TRIM13: variants seen among roughly 807,000 people sequenced by gnomAD.
TRIM13 encodes the protein E3 ubiquitin-protein ligase TRIM13.
In TRIM13, 15 loss-of-function variants were observed where a neutral mutation model predicts 27.1. That is an observed-to-expected ratio of 0.55 (90% CI 0.37 to 0.85). The LOEUF (loss-of-function observed/expected upper bound fraction) is 0.85, where lower values mean the gene tolerates loss of function less well. TRIM13 is among the 40% of genes least tolerant of loss of function. TRIM13 has a pLI of 0.00. For synonymous variants in TRIM13, 193 were observed against 171.5 expected (o/e 1.13, Z -0.98); for missense variants, 402 against 472.2 (o/e 0.85, Z 1.38).
intron 1 of TRIM13, among the ~76,000 whole-genome samples, chr13:50,010,034 T>G (rs905614986): frequency 1.3e-5 from 2 of 148,686 alleles, no homozygotes; most frequent in Non-Finnish European, 1.5e-5. Flanking sequence ...TTTCAGGTAA[T>G]TTAATCTTTT....
At chr13:50,002,568 A>G (rs908417188) in intron 1 of TRIM13, among the ~76,000 whole-genome samples, 6 of 152,188 alleles carry the variant, frequency 3.9e-5, no homozygotes, top group African/African-American at 1.2e-4. Context: ...CTCAAGAAGA[A>G]TATTAAAGTA....
In TRIM13 at chr13:50,005,708, G is replaced by A. The variant is rs1455913450; in HGVS notation, c.-6-6227G>A. Among the ~76,000 whole-genome samples the A allele has an allele frequency of 4.0e-5, 6 of 149,918 alleles. No homozygotes were observed. The East Asian group carries it at 5.8e-4, about 15-fold the overall frequency. ...AAAGAGAGAAGGCATAAAACTAAAG[G>A]AAGAAAGGAAGAAGAGAAAAGGAAA... On this transcript the variant is annotated intron_variant, in intron 1 of 1. Coordinates refer to ENST00000378182, the MANE Select transcript of TRIM13 (RefSeq NM_213590.3).
intron 1 of TRIM13, among the ~76,000 whole-genome samples, chr13:49,998,140 C>T (rs997910062): frequency 6.6e-6 from 1 of 152,040 alleles, no homozygotes; most frequent in Non-Finnish European, 1.5e-5. Flanking sequence ...AGCAGAATTT[C>T]ATTTACATAG....
At chr13:49,998,238 A>G (rs967487615) in intron 1 of TRIM13, among the ~76,000 whole-genome samples, 5 of 152,140 alleles carry the variant, frequency 3.3e-5, no homozygotes, top group South Asian at 2.1e-4. Flanking sequence ...CTCCCTAAAA[A>G]TACGTTTTTT....
intron 1 of TRIM13, among the ~76,000 whole-genome samples, chr13:50,000,367 A>T (rs1873876173): frequency 2.6e-5 from 4 of 152,314 alleles, no homozygotes; most frequent in Non-Finnish European, 5.9e-5. Flanking sequence ...CCAGAAGTAC[A>T]TTTAAAGGAA....
intron 1 of TRIM13, among the ~76,000 whole-genome samples, chr13:50,007,764 AAG>A (rs1462322409): frequency 1.4e-5 from 2 of 138,918 alleles, no homozygotes. Context: ...CCTGGGTGAC[AAG>A]AGTGAGACTT....
Position 50,012,570 on chromosome 13 carries a change from T to C in TRIM13, c.630T>C (p.Ala210=), listed in dbSNP as rs1434004505. ...ILSDFETMKL[A]VMQAYDPEIN... is the part of the protein sequence containing the mutation. ...CTGACTTTGAGACCATGAAACTTGC[T>C]GTTATGCAAGCATATGACCCAGAGA... Residue 210 remains alanine (A), a synonymous_variant, in exon 2 of 2, where the codon GCT becomes GCC. Transcript: ENST00000378182. 6.2e-7 allele frequency: 1 copy of C among 1,614,194 alleles called. No homozygotes were observed. The highest frequency in any genetic ancestry group is 1.1e-5 in the South Asian group (1 of 91,088).
chr13:50,011,917 T>C lies in TRIM13; in HGVS notation c.-6-18T>C, dbSNP rs757663680. On this transcript the variant is annotated intron_variant, in intron 1 of 1. Transcript: ENST00000378182. The stretch of plus-strand genomic sequence containing the variant: ...GTGACGGTTATTGGAGTAAAATAAT[T>C]TTTTTTTTTTCTGGTAGGATGTGAT... 1.3e-6 allele frequency: 2 copies of C among 1,526,898 alleles called. No individual in the cohort carries two copies. The highest frequency in any genetic ancestry group is 2.3e-5 in the East Asian group (1 of 43,692). 94.6% of individuals were successfully genotyped at this position (1,526,898 alleles called of 1,614,324 possible). A position where few individuals can be genotyped will look rare whatever the true frequency, so the allele number is the denominator to read the frequency against.
intron 1 of TRIM13, among the ~76,000 whole-genome samples, chr13:50,006,167 C>T (rs537559294): frequency 6.6e-6 from 1 of 151,874 alleles, no homozygotes; most frequent in African/African-American, 2.4e-5. Context: ...ATTTTTTCCC[C>T]TCTGGTTCAT....
chr13:49,998,228 C>G (rs1297009795), intron 1 of TRIM13, among the ~76,000 whole-genome samples: 1 of 152,184 alleles, frequency 6.6e-6, no homozygotes, highest in Non-Finnish European at 1.5e-5. Context: ...GTCCCTATCC[C>G]TCCCTAAAAA....
intron 1 of TRIM13, among the ~76,000 whole-genome samples, chr13:50,004,668 G>A (rs539964762): frequency 2.0e-5 from 3 of 152,082 alleles, no homozygotes; most frequent in South Asian, 4.1e-4. Context: ...GGAGGCTGAC[G>A]CAAGAGAATT....
At chr13:50,011,238 G>A (rs1875596890) in intron 1 of TRIM13, among the ~76,000 whole-genome samples, 2 of 152,156 alleles carry the variant, frequency 1.3e-5, no homozygotes, top group African/African-American at 4.8e-5. Context: ...TCTCACAGAT[G>A]CCCTGAAAGA....
At position 50,015,518 on chromosome 13, in the gene TRIM13, T is replaced by G. The variant is rs775677947; in HGVS notation, c.*2354T>G. The G allele has an allele frequency of 7.4e-6, 12 of 1,613,272 alleles. No homozygotes were observed. The highest frequency in any genetic ancestry group is 1.0e-5 in the Non-Finnish European group (12 of 1,179,628). ...AATGAGTAGTCAGGAACTGGTCACT[T>G]TGAATGTGGGAGGGAAGATATTCAC... is the stretch of plus-strand genomic sequence containing the variant. On this transcript the variant is annotated 3_prime_UTR_variant, in exon 2 of 2. Coordinates refer to ENST00000378182, the MANE Select transcript of TRIM13 (RefSeq NM_213590.3).
At chr13:50,002,845 T>G (rs1013221165) in intron 1 of TRIM13, among the ~76,000 whole-genome samples, 1 of 152,094 alleles carries the variant, frequency 6.6e-6, no homozygotes, top group South Asian at 2.1e-4. Context: ...GTATTTTTAG[T>G]AGAGACAGGG....
chr13:50,013,442 A>C lies in TRIM13; in HGVS notation c.*278A>C. The C allele has an allele frequency of 3.7e-6, 1 of 272,782 alleles. No individual in the cohort carries two copies. Among genetic ancestry groups the C allele is most frequent in the East Asian group, 8.1e-5 (1 of 12,338 alleles). The allele number at this position is 272,782 out of a possible 1,614,324, so 16.9% of individuals were successfully genotyped here. ...CTGTGATAAAAATAGGTGAGAGATCATATGATCTAATATTGTATTGATGGA... is the reference window on the plus strand; with the variant it reads ...CTGTGATAAAAATAGGTGAGAGATCCTATGATCTAATATTGTATTGATGGA... On this transcript the variant is annotated 3_prime_UTR_variant, in exon 2 of 2. Transcript: ENST00000378182.
chr13:50,011,591 G>A (rs1875650125), intron 1 of TRIM13, among the ~76,000 whole-genome samples: 1 of 152,176 alleles, frequency 6.6e-6, no homozygotes, highest in South Asian at 2.1e-4. Flanking sequence ...GAATAGCCTT[G>A]TTTTTGTCAG....
chr13:50,011,785 T>C, intron 1 of TRIM13, 150 bp from the exon 2 acceptor site: 5 of 882,894 alleles, frequency 5.7e-6, no homozygotes, highest in Non-Finnish European at 8.4e-6. Flanking sequence ...TGCTTTGGTG[T>C]GCATTCCCTT....
At position 50,015,095 on chromosome 13, in the gene TRIM13, ATATATAT is replaced by A. The variant is rs1410202331; in HGVS notation, c.*1932_*1938del. 3.6e-4 allele frequency: 6 copies of A among 16,702 alleles called. No homozygotes were observed. Among genetic ancestry groups the A allele is most frequent in the African/African-American group, 1.6e-3 (5 of 3,092 alleles). 1.0% of individuals were successfully genotyped at this position (16,702 alleles called of 1,614,324 possible). ...AGTAATAAAAAAAAAAAAAAAAAAAATATATATATATATATATATATATATATATATA... is the reference window on the plus strand; with the variant it reads ...AGTAATAAAAAAAAAAAAAAAAAAAAATATATATATATATATATATATATA... On this transcript the variant is annotated 3_prime_UTR_variant, in exon 2 of 2. Coordinates refer to ENST00000378182, the MANE Select transcript of TRIM13 (RefSeq NM_213590.3).
At chr13:49,999,420 C>T (rs1407855440) in intron 1 of TRIM13, among the ~76,000 whole-genome samples, 2 of 152,174 alleles carry the variant, frequency 1.3e-5, no homozygotes, top group South Asian at 2.1e-4. Context: ...ATTAAATTTT[C>T]CGCTCCTAAA....
Sources: allele counts gnomAD v4.1 joint callset (sites outside exome capture counted in the v4.1 genomes callset), GRCh38; gene constraint gnomAD v4.1.1; transcripts MANE v1.5; gene names NCBI Gene and HGNC (gene_info 2026-07-23, HGNC 2026-07-21).